IQCJ: variants seen among roughly 807,000 people sequenced by gnomAD.
IQCJ encodes the protein IQ motif containing J, also known as IQ domain-containing protein J.
In IQCJ, 9 loss-of-function variants were observed where a neutral mutation model predicts 11.0. That is an observed-to-expected ratio of 0.82 (90% CI 0.49 to 1.43). IQCJ has a LOEUF of 1.43. IQCJ is among the 40% of genes most tolerant of loss of function. The probability of loss-of-function intolerance (pLI) is 0.00; values close to 1 mark genes in which losing one functional copy is unlikely to be tolerated. For missense variants in IQCJ, 146 were observed against 133.2 expected (o/e 1.10, Z -0.47); for synonymous variants, 55 against 51.3 (o/e 1.07, Z -0.31).
intron 1 of IQCJ, among the ~76,000 whole-genome samples, chr3:159,133,893 G>T (rs1009176957): frequency 6.6e-6 from 1 of 151,550 alleles, no homozygotes; most frequent in African/African-American, 2.4e-5. Flanking sequence ...AAGAGTCAAA[G>T]CTCTGCTTAA....
At chr3:159,223,983 TC>T (rs1415678328) in intron 1 of IQCJ, among the ~76,000 whole-genome samples, 1 of 151,778 alleles carries the variant, frequency 6.6e-6, no homozygotes, top group African/African-American at 2.4e-5. Flanking sequence ...GCATTTCTGG[TC>T]CCAAGCATTT....
intron 1 of IQCJ, among the ~76,000 whole-genome samples, chr3:159,076,382 C>A (rs750995829): frequency 3.3e-5 from 5 of 152,108 alleles, no homozygotes; most frequent in Non-Finnish European, 7.4e-5. Context: ...AATATTCCAA[C>A]TATATAGCAG....
intron 1 of IQCJ, among the ~76,000 whole-genome samples, chr3:159,169,618 C>T (rs1320330256): frequency 2.6e-5 from 4 of 152,108 alleles, no homozygotes; most frequent in Non-Finnish European, 4.4e-5. Context: ...CACAGCATAG[C>T]TGTAGCAAGT....
At chr3:159,179,670 A>G (rs1326224451) in intron 1 of IQCJ, among the ~76,000 whole-genome samples, 2 of 152,212 alleles carry the variant, frequency 1.3e-5, no homozygotes, top group African/African-American at 2.4e-5. Flanking sequence ...GCACATTTCT[A>G]TGAAAAGAGA....
At chr3:159,159,758 A>ATGGTTTGG (rs1369548973) in intron 1 of IQCJ, among the ~76,000 whole-genome samples, 1 of 152,098 alleles carries the variant, frequency 6.6e-6, no homozygotes, top group Non-Finnish European at 1.5e-5. Context: ...TCCCTCGTAA[A>ATGGTTTGG]TGGTTTGGTG....
chr3:159,196,032 G>T (rs1723963955), intron 1 of IQCJ, among the ~76,000 whole-genome samples: 1 of 152,102 alleles, frequency 6.6e-6, no homozygotes, highest in Non-Finnish European at 1.5e-5. Context: ...CCTACAATTA[G>T]CCCTGTGTGG....
chr3:159,185,809 C>G (rs1201335579), intron 1 of IQCJ, among the ~76,000 whole-genome samples: 1 of 152,178 alleles, frequency 6.6e-6, no homozygotes, highest in Non-Finnish European at 1.5e-5. Context: ...AACATGGTAT[C>G]TGGCTTCCCC....
intron 1 of IQCJ, among the ~76,000 whole-genome samples, chr3:159,080,635 G>A (rs551774198): frequency 2.2e-4 from 33 of 152,208 alleles, no homozygotes; most frequent in African/African-American, 6.5e-4. Flanking sequence ...TTGACAGGCC[G>A]TTTATTATTA....
At chr3:159,177,342 A>G (rs2108006695) in intron 1 of IQCJ, among the ~76,000 whole-genome samples, 1 of 152,180 alleles carries the variant, frequency 6.6e-6, no homozygotes, top group East Asian at 1.9e-4. Flanking sequence ...TATTAGAATG[A>G]CTGACAACAA....
chr3:159,191,116 T>C (rs1723661293), intron 1 of IQCJ, among the ~76,000 whole-genome samples: 1 of 152,208 alleles, frequency 6.6e-6, no homozygotes, highest in African/African-American at 2.4e-5. Flanking sequence ...TCCTAGCCTT[T>C]ACATAGGCCT....
At chr3:159,137,513 C>A (rs1365060440) in intron 1 of IQCJ, among the ~76,000 whole-genome samples, 1 of 152,120 alleles carries the variant, frequency 6.6e-6, no homozygotes, top group Non-Finnish European at 1.5e-5. Context: ...TTGTCAGATT[C>A]ATCATAAGAC....
intron 1 of IQCJ, among the ~76,000 whole-genome samples, chr3:159,165,312 A>T (rs1037129709): frequency 6.6e-6 from 1 of 152,254 alleles, no homozygotes; most frequent in East Asian, 1.9e-4. Context: ...GTGTTAAGGT[A>T]TTAGTCCACC....
At chr3:159,173,915 G>T (rs80184364) in intron 1 of IQCJ, among the ~76,000 whole-genome samples, 6,066 of 152,052 alleles carry the variant, frequency 0.04, 383 homozygotes, top group African/African-American at 0.14. Context: ...CCTTCTGAAA[G>T]TTCTATTAGA....
At chr3:159,082,005 C>A (rs1461511023) in intron 1 of IQCJ, among the ~76,000 whole-genome samples, 2 of 152,012 alleles carry the variant, frequency 1.3e-5, no homozygotes, top group African/African-American at 4.8e-5. Context: ...TTCAGTAAAA[C>A]AACTTGTTGA....
At chr3:159,158,342 G>T (rs78087483) in intron 1 of IQCJ, among the ~76,000 whole-genome samples, 4,403 of 152,272 alleles carry the variant, frequency 0.029, 207 homozygotes, top group African/African-American at 0.1. Context: ...AGAACAATAC[G>T]TCCTTGAGAA....
intron 1 of IQCJ, among the ~76,000 whole-genome samples, chr3:159,202,643 T>C (rs777079024): frequency 2.6e-5 from 4 of 152,178 alleles, no homozygotes; most frequent in African/African-American, 9.7e-5. Flanking sequence ...AGTGGCAAGC[T>C]AAGCAATTTT....
At chr3:159,105,203 T>C (rs1718176598) in intron 1 of IQCJ, among the ~76,000 whole-genome samples, 1 of 152,166 alleles carries the variant, frequency 6.6e-6, no homozygotes, top group Admixed American at 6.5e-5. Flanking sequence ...ATATATAAGT[T>C]ATGGAGTTGG....
At chr3:159,263,979 A>T (rs867544709), downstream of IQCJ, among the ~76,000 whole-genome samples, 1 of 152,226 alleles carries the variant, frequency 6.6e-6, no homozygotes, top group South Asian at 2.1e-4. Context: ...GTTTGTGTCT[A>T]ACTCATGATT....
intron 1 of IQCJ, among the ~76,000 whole-genome samples, chr3:159,235,796 T>A (rs1442355198): frequency 6.6e-6 from 1 of 152,234 alleles, no homozygotes; most frequent in Non-Finnish European, 1.5e-5. Flanking sequence ...TAATAATGTT[T>A]ATGAACGTAG....
Sources: allele counts gnomAD v4.1 joint callset (sites outside exome capture counted in the v4.1 genomes callset), GRCh38; gene constraint gnomAD v4.1.1; transcripts MANE v1.5; gene names NCBI Gene and HGNC (gene_info 2026-07-23, HGNC 2026-07-21).